PRKD1: variants seen among roughly 807,000 people sequenced by gnomAD.
The protein encoded by PRKD1 is protein kinase D1.
A neutral mutation model predicts 95.9 loss-of-function variants in PRKD1; 63 were observed. The observed-to-expected ratio is 0.66, with a 90% CI of 0.54 to 0.81. The LOEUF (loss-of-function observed/expected upper bound fraction) is 0.81, where lower values mean the gene tolerates loss of function less well. Among genes scored for constraint, PRKD1 ranks in the 30% least tolerant of loss-of-function variants. The pLI is 0.00. For missense variants in PRKD1, 1,048 were observed against 1,165.3 expected (o/e 0.90, Z 1.47); for synonymous variants, 425 against 423.1 (o/e 1.00, Z -0.05).
intron 1 of PRKD1, among the ~76,000 whole-genome samples, chr14:29,785,237 C>T (rs1566600086): frequency 6.6e-6 from 1 of 152,118 alleles, no homozygotes; most frequent in Non-Finnish European, 1.5e-5. Context: ...CAATAAAGAC[C>T]TCTTTTCTAC....
intron 1 of PRKD1, among the ~76,000 whole-genome samples, chr14:29,839,376 C>A (rs1891738160): frequency 6.6e-6 from 1 of 152,180 alleles, no homozygotes; most frequent in Non-Finnish European, 1.5e-5. Context: ...CCAGTACTAT[C>A]CTGAAAACAA....
intron 4 of PRKD1, among the ~76,000 whole-genome samples, chr14:29,658,121 A>G (rs569855453): frequency 6.6e-6 from 1 of 152,262 alleles, no homozygotes; most frequent in South Asian, 2.1e-4. Flanking sequence ...TATCCTTGCT[A>G]TCTATATATC....
chr14:29,653,355 ATAAGTTCTCTGTAGAGCCTCT>A (rs1881629967), intron 4 of PRKD1, among the ~76,000 whole-genome samples: 1 of 152,194 alleles, frequency 6.6e-6, no homozygotes, highest in Non-Finnish European at 1.5e-5. Context: ...CCAAGAAAAA[ATAAGTTCTCTGTAGAGCCTCT>A]TAACTTCAAA....
At chr14:29,914,581 A>G (rs549390478) in intron 1 of PRKD1, among the ~76,000 whole-genome samples, 4 of 152,196 alleles carry the variant, frequency 2.6e-5, no homozygotes, top group East Asian at 2.0e-4. Context: ...AAAAAATACA[A>G]AAATTAGCTA....
chr14:29,869,118 G>A (rs529734115), intron 1 of PRKD1, among the ~76,000 whole-genome samples: 8 of 152,230 alleles, frequency 5.3e-5, no homozygotes, highest in African/African-American at 1.7e-4. Flanking sequence ...GATGAAGGCT[G>A]AAAACAAACT....
intron 2 of PRKD1, among the ~76,000 whole-genome samples, chr14:29,676,192 T>TTTTTTTTTTGTTG (rs1883201689): frequency 7.8e-6 from 1 of 128,528 alleles, no homozygotes; most frequent in African/African-American, 3.1e-5. Flanking sequence ...TGTTTTTTTT[T>TTTTTTTTTTGTTG]TTTTTTTTTT....
At chr14:29,823,930 G>A (rs1279609365) in intron 1 of PRKD1, among the ~76,000 whole-genome samples, 3 of 152,170 alleles carry the variant, frequency 2.0e-5, no homozygotes, top group Non-Finnish European at 4.4e-5. Flanking sequence ...CTCTCCAAAT[G>A]TTCAATTTGA....
chr14:29,731,867 CT>C (rs56015138), intron 1 of PRKD1, among the ~76,000 whole-genome samples: 24,920 of 144,344 alleles, frequency 0.17, 1,845 homozygotes, highest in South Asian at 0.25. Context: ...ACAATCTCTA[CT>C]TTTTTTTTTT....
At chr14:29,852,128 T>C (rs1015905977) in intron 1 of PRKD1, among the ~76,000 whole-genome samples, 2 of 152,084 alleles carry the variant, frequency 1.3e-5, no homozygotes, top group African/African-American at 4.8e-5. Context: ...ACCTAGTGGG[T>C]ACTATGTTCA....
At chr14:29,778,298 G>C (rs1888867793) in intron 1 of PRKD1, among the ~76,000 whole-genome samples, 1 of 152,124 alleles carries the variant, frequency 6.6e-6, no homozygotes, top group Non-Finnish European at 1.5e-5. Flanking sequence ...GAGCAGAAAT[G>C]AAGGAGATAC....
At chr14:29,832,443 A>G (rs973178243) in intron 1 of PRKD1, among the ~76,000 whole-genome samples, 14 of 151,860 alleles carry the variant, frequency 9.2e-5, no homozygotes, top group Non-Finnish European at 4.4e-5. Flanking sequence ...TTTGTCTGTT[A>G]TGTATGTTGT....
At chr14:29,821,261 T>C (rs568576831) in intron 1 of PRKD1, among the ~76,000 whole-genome samples, 1 of 148,970 alleles carries the variant, frequency 6.7e-6, no homozygotes, top group South Asian at 2.1e-4. Flanking sequence ...ACAGCTAAGA[T>C]AGACATCTTA....
intron 16 of PRKD1, among the ~76,000 whole-genome samples, chr14:29,595,848 T>C (rs754677894): frequency 6.6e-6 from 1 of 152,246 alleles, no homozygotes; most frequent in Non-Finnish European, 1.5e-5. Flanking sequence ...GTTATTTTAC[T>C]GGATTTCTAG....
At chr14:29,801,024 T>C (rs1347658887) in intron 1 of PRKD1, among the ~76,000 whole-genome samples, 3 of 152,162 alleles carry the variant, frequency 2.0e-5, no homozygotes, top group Non-Finnish European at 4.4e-5. Context: ...TCAGAACCTG[T>C]ATCAGCCCAT....
At chr14:29,616,631 T>C (rs1191612123) in intron 13 of PRKD1, among the ~76,000 whole-genome samples, 1 of 151,974 alleles carries the variant, frequency 6.6e-6, no homozygotes, top group Non-Finnish European at 1.5e-5. Context: ...ACAATACAGA[T>C]TTATTACCTT....
chr14:29,590,762 A>G (rs1249729796), intron 16 of PRKD1, among the ~76,000 whole-genome samples: 5 of 152,032 alleles, frequency 3.3e-5, no homozygotes, highest in Admixed American at 6.6e-5. Context: ...TGTTAAAGAG[A>G]TTCTCTTTTC....
intron 2 of PRKD1, among the ~76,000 whole-genome samples, chr14:29,668,199 C>T (rs1279423982): frequency 1.3e-5 from 2 of 152,092 alleles, no homozygotes; most frequent in Non-Finnish European, 1.5e-5. Flanking sequence ...GTATGCATGC[C>T]ACCTCGCCTA....
chr14:29,591,476 CAG>C, intron 16 of PRKD1, among the ~76,000 whole-genome samples: 1 of 152,072 alleles, frequency 6.6e-6, no homozygotes, highest in Admixed American at 6.5e-5. Flanking sequence ...TTTGAAAGGG[CAG>C]TCCATGGACC....
chr14:29,580,967 C>G (rs1892737896), intron 16 of PRKD1, among the ~76,000 whole-genome samples: 1 of 151,938 alleles, frequency 6.6e-6, no homozygotes, highest in Non-Finnish European at 1.5e-5. Flanking sequence ...ATGCCCCTCC[C>G]CAGACCACAG....
Sources: gnomAD v4.1 joint callset for allele counts (sites outside exome capture counted in the v4.1 genomes callset) on GRCh38, gnomAD v4.1.1 for gene constraint, MANE v1.5 for transcripts, NCBI Gene and HGNC (gene_info 2026-07-23, HGNC 2026-07-21) for gene names.